The following C1QTNF3 variants were observed in gnomAD, a reference collection of about 807,000 sequenced individuals.
The protein encoded by C1QTNF3 is complement C1q tumor necrosis factor-related protein 3.
In C1QTNF3, 26 loss-of-function variants were observed where a neutral mutation model predicts 32.6. The observed-to-expected ratio is 0.80, with a 90% CI of 0.58 to 1.11. The LOEUF (loss-of-function observed/expected upper bound fraction) is 1.11, where lower values mean the gene tolerates loss of function less well. Among genes scored for constraint, C1QTNF3 ranks in the 50% least tolerant of loss-of-function variants. The pLI is 0.00. For missense variants in C1QTNF3, 362 were observed against 398.2 expected (o/e 0.91, Z 0.77); for synonymous variants, 155 against 146.0 (o/e 1.06, Z -0.44).
At chr5:34,202,210 A>G in the C1QTNF3 span, among the ~76,000 whole-genome samples, 2 of 151,966 alleles carry the variant, frequency 1.3e-5, no homozygotes, top group African/African-American at 4.9e-5. Flanking sequence ...GAGTGGAACG[A>G]AAGTTGAGGA....
At chr5:34,048,471 T>C in the C1QTNF3 span, among the ~76,000 whole-genome samples, 1 of 151,958 alleles carries the variant, frequency 6.6e-6, no homozygotes, top group African/African-American at 2.4e-5. Context: ...TCTTGTAAGG[T>C]TGAGGGAACC....
the C1QTNF3 span, among the ~76,000 whole-genome samples, chr5:34,096,720 G>A: frequency 6.6e-6 from 1 of 151,402 alleles, no homozygotes; most frequent in Non-Finnish European, 1.5e-5. Flanking sequence ...ATAGGAACAA[G>A]CAAGTTAGAC....
At chr5:34,226,434 ATAAC>A in the C1QTNF3 span, among the ~76,000 whole-genome samples, 42,219 of 149,494 alleles carry the variant, frequency 0.28, 5,580 homozygotes, top group East Asian at 0.5. Context: ...GACTGGTACA[ATAAC>A]TATCTACAAA....
At chr5:34,173,119 A>G in the C1QTNF3 span, among the ~76,000 whole-genome samples, 4 of 152,200 alleles carry the variant, frequency 2.6e-5, no homozygotes, top group Non-Finnish European at 5.9e-5. Flanking sequence ...ACTAAAGTAT[A>G]TAAGATTTTC....
chr5:34,056,354 C>T, the C1QTNF3 span, among the ~76,000 whole-genome samples: 1 of 148,954 alleles, frequency 6.7e-6, no homozygotes, highest in Non-Finnish European at 1.5e-5. Flanking sequence ...TTATTTTTGA[C>T]ATCATTTTGT....
the C1QTNF3 span, among the ~76,000 whole-genome samples, chr5:34,156,071 ATTAT>A: frequency 3.3e-4 from 50 of 152,234 alleles, no homozygotes; most frequent in African/African-American, 1.0e-3. Context: ...ATTTTTAAAA[ATTAT>A]TTATTTATTT....
the C1QTNF3 span, among the ~76,000 whole-genome samples, chr5:34,114,153 T>C: frequency 6.6e-6 from 1 of 152,194 alleles, no homozygotes; most frequent in African/African-American, 2.4e-5. Context: ...ATGTGTCAAA[T>C]TGAAATTATA....
chr5:34,056,403 T>C, the C1QTNF3 span, among the ~76,000 whole-genome samples: 1 of 119,468 alleles, frequency 8.4e-6, no homozygotes, highest in African/African-American at 2.8e-5. Flanking sequence ...CCATGACATA[T>C]ATATATATGT....
the C1QTNF3 span, among the ~76,000 whole-genome samples, chr5:34,164,119 G>T: frequency 6.6e-6 from 1 of 152,114 alleles, no homozygotes; most frequent in Non-Finnish European, 1.5e-5. Context: ...AGACTGATTT[G>T]GGAGGCGAAC....
At chr5:34,176,192 G>T in the C1QTNF3 span, among the ~76,000 whole-genome samples, 1 of 145,786 alleles carries the variant, frequency 6.9e-6, no homozygotes, top group South Asian at 2.2e-4. Flanking sequence ...TCATAAGTGG[G>T]AATTGAACAA....
upstream of C1QTNF3, among the ~76,000 whole-genome samples, chr5:34,045,094 C>T (rs192455940): frequency 7.6e-4 from 116 of 152,284 alleles, no homozygotes; most frequent in Middle Eastern, 0.01. Flanking sequence ...AGGGAGACCA[C>T]AAAGCAAGCA....
chr5:34,203,477 G>C, the C1QTNF3 span, among the ~76,000 whole-genome samples: 1 of 152,176 alleles, frequency 6.6e-6, no homozygotes, highest in African/African-American at 2.4e-5. Flanking sequence ...CACGAGGTCA[G>C]GAGTTCGAGG....
chr5:34,066,178 C>T, the C1QTNF3 span, among the ~76,000 whole-genome samples: 58 of 152,280 alleles, frequency 3.8e-4, no homozygotes, highest in African/African-American at 1.4e-3. Context: ...AGCTGCTGAT[C>T]ACCTGTTTCA....
At chr5:34,083,730 C>A in the C1QTNF3 span, among the ~76,000 whole-genome samples, 1 of 151,780 alleles carries the variant, frequency 6.6e-6, no homozygotes, top group East Asian at 1.9e-4. Flanking sequence ...AATTCCCATT[C>A]ATTAGGACAA....
chr5:34,213,161 G>T, the C1QTNF3 span, among the ~76,000 whole-genome samples: 1 of 152,112 alleles, frequency 6.6e-6, no homozygotes, highest in Non-Finnish European at 1.5e-5. Flanking sequence ...ATATAATCAT[G>T]TGCCACATAA....
At chr5:34,235,436 A>T in the C1QTNF3 span, among the ~76,000 whole-genome samples, 4 of 151,756 alleles carry the variant, frequency 2.6e-5, no homozygotes, top group African/African-American at 9.7e-5. Context: ...GCAAAGAATA[A>T]CCTCCCACAG....
chr5:34,128,652 A>G, the C1QTNF3 span, among the ~76,000 whole-genome samples: 4 of 152,176 alleles, frequency 2.6e-5, no homozygotes. Flanking sequence ...TTTGAGACTT[A>G]ATGACTGTCC....
the C1QTNF3 span, among the ~76,000 whole-genome samples, chr5:34,111,057 C>T: frequency 3.3e-5 from 5 of 152,120 alleles, no homozygotes; most frequent in Admixed American, 2.0e-4. Flanking sequence ...CTTTGTTAAG[C>T]CAGTGTCAAT....
At chr5:34,195,405 C>T in the C1QTNF3 span, among the ~76,000 whole-genome samples, 219 of 134,328 alleles carry the variant, frequency 1.6e-3, 2 homozygotes, top group African/African-American at 5.8e-3. Flanking sequence ...AAAATTCTCA[C>T]AGAAACTGAA....
Sources: gnomAD v4.1 joint callset for allele counts (sites outside exome capture counted in the v4.1 genomes callset) on GRCh38, gnomAD v4.1.1 for gene constraint, MANE v1.5 for transcripts, NCBI Gene and HGNC (gene_info 2026-07-23, HGNC 2026-07-21) for gene names.